Variants in DLG2 observed in about 807,000 individuals in gnomAD.
DLG2 encodes the protein discs large MAGUK scaffold protein 2, also known as disks large homolog 2.
DLG2 carries 45 observed loss-of-function variants against 132.5 expected under a neutral mutation model. The ratio of observed to expected loss-of-function variants is 0.34; its 90% CI spans 0.27 to 0.44. The LOEUF is 0.44. Among genes scored for constraint, DLG2 ranks in the 20% least tolerant of loss-of-function variants. The pLI, the probability that DLG2 is intolerant of heterozygous loss-of-function variation, is 1.00. For synonymous variants in DLG2, 424 were observed against 419.6 expected, an observed-to-expected ratio of 1.01 and a Z score of -0.13; for missense variants, 1,045 against 1,196.9, an observed-to-expected ratio of 0.87 and a Z score of 1.87.
At chr11:84,616,810 G>A (rs1323683776) in intron 6 of DLG2, among the ~76,000 whole-genome samples, 1 of 152,026 alleles carries the variant, frequency 6.6e-6, no homozygotes, top group African/African-American at 2.4e-5. Context: ...TAAATTTAAG[G>A]TATCTGAAGT....
intron 3 of DLG2, among the ~76,000 whole-genome samples, chr11:85,371,088 T>C (rs546318329): frequency 6.6e-6 from 1 of 152,288 alleles, no homozygotes; most frequent in East Asian, 1.9e-4. Context: ...TTTTCAAAGA[T>C]GGTTTATAAT....
intron 19 of DLG2, among the ~76,000 whole-genome samples, chr11:83,616,752 T>C (rs965410270): frequency 3.9e-5 from 6 of 152,352 alleles, no homozygotes; most frequent in Non-Finnish European, 8.8e-5. Flanking sequence ...TTTTTCAATA[T>C]TATCTTCTAG....
intron 15 of DLG2, among the ~76,000 whole-genome samples, chr11:83,875,040 C>G (rs950079812): frequency 2.0e-5 from 3 of 152,048 alleles, no homozygotes; most frequent in African/African-American, 7.2e-5. Flanking sequence ...AAATTTTACA[C>G]AGAACCTAAT....
intron 6 of DLG2, among the ~76,000 whole-genome samples, chr11:85,032,951 C>T (rs1275523124): frequency 6.6e-6 from 1 of 152,128 alleles, no homozygotes; most frequent in Non-Finnish European, 1.5e-5. Flanking sequence ...ACATGTCCTA[C>T]CAAACATGCC....
At chr11:84,024,549 T>C (rs1358860872) in intron 11 of DLG2, among the ~76,000 whole-genome samples, 1 of 152,188 alleles carries the variant, frequency 6.6e-6, no homozygotes, top group East Asian at 1.9e-4. Flanking sequence ...ATGTGGTTTA[T>C]ATAAATAATG....
intron 6 of DLG2, among the ~76,000 whole-genome samples, chr11:84,543,267 G>T (rs1381265741): frequency 6.6e-6 from 1 of 152,076 alleles, no homozygotes; most frequent in South Asian, 2.1e-4. Flanking sequence ...GAGGTAGGTA[G>T]TTTCAGATAG....
Position 84,172,847 on chromosome 11 carries a change from A to G in DLG2, c.574-9336T>C, listed in dbSNP as rs555661239. On this transcript the variant is annotated intron_variant, in intron 8 of 27. Coordinates refer to ENST00000376104, the MANE Select transcript of DLG2 (RefSeq NM_001142699.3). ...GTGAGCCACTGTGCAAGGCCCTTAA[A>G]TAACTTTTTTTTTAAAAAATTATCT... Among the ~76,000 whole-genome samples the G allele has an allele frequency of 3.9e-5, 6 of 152,230 alleles. No individual in the cohort carries two copies. The South Asian group carries it at 1.2e-3, about 32-fold the overall frequency.
chr11:84,084,677 G>A (rs772109053), intron 10 of DLG2, among the ~76,000 whole-genome samples: 1 of 152,116 alleles, frequency 6.6e-6, no homozygotes, highest in Non-Finnish European at 1.5e-5. Context: ...TCCTTCTCAG[G>A]CCTGTACTTC....
At chr11:84,760,628 T>C (rs1394601924) in intron 6 of DLG2, among the ~76,000 whole-genome samples, 1 of 152,250 alleles carries the variant, frequency 6.6e-6, no homozygotes, top group Non-Finnish European at 1.5e-5. Flanking sequence ...TACTTTTAAC[T>C]GTGTATTTAA....
chr11:83,558,532 A>G (rs1030457084), intron 19 of DLG2, among the ~76,000 whole-genome samples: 2 of 152,176 alleles, frequency 1.3e-5, no homozygotes, highest in Non-Finnish European at 2.9e-5. Flanking sequence ...CACTTTATAT[A>G]CCTTGGCACT....
At chr11:85,528,051 T>C (rs1261938112) in intron 3 of DLG2, among the ~76,000 whole-genome samples, 2 of 152,242 alleles carry the variant, frequency 1.3e-5, no homozygotes, top group African/African-American at 4.8e-5. Context: ...TTCTTGTAGA[T>C]TTATTTAAGT....
chr11:84,069,907 G>A (rs893116590), intron 10 of DLG2, among the ~76,000 whole-genome samples: 13 of 152,164 alleles, frequency 8.5e-5, no homozygotes, highest in East Asian at 1.9e-4. Flanking sequence ...TACTTAGCCC[G>A]CTCAGTTCAA....
At chr11:84,447,105 CA>C (rs36008405) in intron 7 of DLG2, among the ~76,000 whole-genome samples, 1 of 152,110 alleles carries the variant, frequency 6.6e-6, no homozygotes, top group Non-Finnish European at 1.5e-5. Context: ...AAATGTTAGT[CA>C]AAAGTCACCA....
rs1043053495 is a variant in DLG2, at chr11:85,217,268, TA to T, written c.187-62618del. Reference sequence around the variant, plus strand: ...CTCAATCCTTTAAAGGTCACACTTTTAAAATGGATATACCGCAGATCCCACC... The same window carrying T: ...CTCAATCCTTTAAAGGTCACACTTTTAAATGGATATACCGCAGATCCCACC... On this transcript the variant is annotated intron_variant, in intron 4 of 27. Coordinates refer to ENST00000376104, the MANE Select transcript of DLG2 (RefSeq NM_001142699.3). 5.3e-5 allele frequency among the ~76,000 whole-genome samples: 8 copies of T among 151,130 alleles called. No individual in the cohort carries two copies. In the Admixed American group the frequency reaches 5.3e-4, roughly 10 times the overall value.
At chr11:84,892,807 T>C (rs2089612327) in intron 6 of DLG2, among the ~76,000 whole-genome samples, 1 of 152,028 alleles carries the variant, frequency 6.6e-6, no homozygotes, top group Non-Finnish European at 1.5e-5. Flanking sequence ...CCACATGCCC[T>C]TTCTCCCTCT....
chr11:84,431,355 T>C (rs1163829329), intron 7 of DLG2, among the ~76,000 whole-genome samples: 1 of 152,132 alleles, frequency 6.6e-6, no homozygotes, highest in Non-Finnish European at 1.5e-5. Flanking sequence ...AAACTAGTAG[T>C]AATAATCTCA....
intron 4 of DLG2, among the ~76,000 whole-genome samples, chr11:85,284,553 C>G (rs2078439608): frequency 6.6e-6 from 1 of 151,824 alleles, no homozygotes; most frequent in African/African-American, 2.4e-5. Context: ...ATTGACTTGT[C>G]CCTGTTAGCC....
At chr11:84,963,304 G>A (rs113741729) in intron 6 of DLG2, among the ~76,000 whole-genome samples, 2,629 of 152,168 alleles carry the variant, frequency 0.017, 34 homozygotes, top group Middle Eastern at 0.031. Flanking sequence ...GAATCAAATC[G>A]GAGGGAAAAA....
intron 10 of DLG2, among the ~76,000 whole-genome samples, chr11:84,086,284 A>T (rs1293743995): frequency 6.6e-6 from 1 of 152,288 alleles, no homozygotes; most frequent in East Asian, 1.9e-4. Context: ...AATTTCTTAG[A>T]TTTGTAAATG....
Sources: gnomAD v4.1 joint callset for allele counts (sites outside exome capture counted in the v4.1 genomes callset) on GRCh38, gnomAD v4.1.1 for gene constraint, MANE v1.5 for transcripts, NCBI Gene and HGNC (gene_info 2026-07-23, HGNC 2026-07-21) for gene names.